Variants in XYLT1 observed in about 807,000 individuals in gnomAD.
XYLT1 encodes xylosyltransferase 1, also known as beta-D-xylosyltransferase 1.
Under a neutral mutation model 91.3 loss-of-function variants are expected in XYLT1, and 36 were observed. The observed-to-expected ratio is 0.39, with a 90% CI of 0.30 to 0.52. The LOEUF is 0.52. Among genes scored for constraint, XYLT1 ranks in the 20% least tolerant of loss-of-function variants. XYLT1 has a pLI of 0.68. For synonymous variants in XYLT1, 588 were observed against 532.0 expected (o/e 1.11, Z -1.45); for missense variants, 1,242 against 1,284.5 (o/e 0.97, Z 0.51).
At chr16:17,184,985 A>C (rs2032152767) in intron 5 of XYLT1, among the ~76,000 whole-genome samples, 1 of 152,224 alleles carries the variant, frequency 6.6e-6, no homozygotes, top group Non-Finnish European at 1.5e-5. Context: ...CTTGTCTTCC[A>C]CCACATCCTT....
At chr16:17,261,693 G>T (rs2033724778) in intron 2 of XYLT1, among the ~76,000 whole-genome samples, 1 of 152,164 alleles carries the variant, frequency 6.6e-6, no homozygotes, top group Non-Finnish European at 1.5e-5. Flanking sequence ...CTATTGTGTT[G>T]CAGGAAGTCA....
At chr16:17,292,604 C>T (rs142612413) in intron 2 of XYLT1, among the ~76,000 whole-genome samples, 197 of 152,294 alleles carry the variant, frequency 1.3e-3, no homozygotes, top group African/African-American at 4.6e-3. Context: ...TGAGCGTCAC[C>T]TGAACAGACT....
intron 5 of XYLT1, among the ~76,000 whole-genome samples, chr16:17,183,478 G>A (rs1322807773): frequency 1.3e-5 from 2 of 152,122 alleles, no homozygotes; most frequent in African/African-American, 2.4e-5. Flanking sequence ...CCTACTCCCC[G>A]TGATGAAAGA....
chr16:17,129,307 G>T (rs2030383505), intron 9 of XYLT1, among the ~76,000 whole-genome samples: 1 of 152,108 alleles, frequency 6.6e-6, no homozygotes, highest in Non-Finnish European at 1.5e-5. Flanking sequence ...TGTTGCCCAG[G>T]CTGGAGTGCA....
intron 11 of XYLT1, 55 bp from the exon 12 acceptor site, chr16:17,109,072 A>G (rs1966818668): frequency 1.4e-6 from 2 of 1,469,790 alleles, no homozygotes; most frequent in Non-Finnish European, 9.0e-7. Context: ...TAGGATGCCT[A>G]TTCATACTTA....
At chr16:17,373,620 A>G (rs142151757) in intron 1 of XYLT1, among the ~76,000 whole-genome samples, 16 of 152,354 alleles carry the variant, frequency 1.1e-4, no homozygotes, top group Middle Eastern at 3.4e-3. Context: ...ACCAACATAC[A>G]GCATGTGCCA....
chr16:17,302,618 C>G (rs2034413006), intron 2 of XYLT1, among the ~76,000 whole-genome samples: 1 of 152,220 alleles, frequency 6.6e-6, no homozygotes, highest in Non-Finnish European at 1.5e-5. Flanking sequence ...GTGTTAATAC[C>G]TATTCCAGCT....
chr16:17,131,507 C>G (rs1221169442), intron 9 of XYLT1, among the ~76,000 whole-genome samples: 2 of 152,196 alleles, frequency 1.3e-5, no homozygotes, highest in Admixed American at 1.3e-4. Context: ...TTCCCATGGT[C>G]AGCCCACCCT....
intron 2 of XYLT1, among the ~76,000 whole-genome samples, chr16:17,337,951 A>C (rs2035010638): frequency 6.6e-6 from 1 of 151,540 alleles, no homozygotes; most frequent in Non-Finnish European, 1.5e-5. Flanking sequence ...TAATTTTTGT[A>C]TTTTTAGTAG....
chr16:17,259,341 C>G lies in XYLT1; in HGVS notation c.560G>C (p.Ser187Thr). The G allele has an allele frequency of 1.2e-6, 2 of 1,614,182 alleles. No homozygotes were observed. Among genetic ancestry groups the G allele is most frequent in the Non-Finnish European group, 1.7e-6 (2 of 1,180,044 alleles). The change falls in exon 3 of 12, where the codon AGT (serine) becomes ACT (threonine). Residue 187 changes from serine to threonine, a missense_variant. By Grantham distance (58) the Ser-to-Thr change is moderately conservative. Around this residue, in one of 3 missense-constraint regions of XYLT1, gnomAD observed 437 missense variants for 411.5 expected, o/e 1.06. Transcript: ENST00000261381. ...HQPELAKKPP[S>T]RQKELLKRKL... ...CCTTTTCAAAAGCTCCTTCTGTCTA[C>G]TCGGTGGCTTCTTCGCCAACTCAGG...
At chr16:17,111,146 T>G (rs1356676073) in intron 11 of XYLT1, among the ~76,000 whole-genome samples, 1 of 151,894 alleles carries the variant, frequency 6.6e-6, no homozygotes, top group Non-Finnish European at 1.5e-5. Context: ...GTCGATAGAG[T>G]GAGACTTCAT....
At chr16:17,256,005 C>CA (rs2033624604) in intron 3 of XYLT1, among the ~76,000 whole-genome samples, 1 of 151,946 alleles carries the variant, frequency 6.6e-6, no homozygotes, top group Non-Finnish European at 1.5e-5. Flanking sequence ...GAGACTGTCT[C>CA]AAAAAAACAA....
intron 1 of XYLT1, among the ~76,000 whole-genome samples, chr16:17,398,098 C>T (rs1473668986): frequency 6.6e-6 from 1 of 152,076 alleles, no homozygotes; most frequent in Non-Finnish European, 1.5e-5. Flanking sequence ...TTGGAAAATG[C>T]AGACCTTGGA....
intron 4 of XYLT1, among the ~76,000 whole-genome samples, chr16:17,198,690 G>A (rs2032478932): frequency 6.6e-6 from 1 of 152,138 alleles, no homozygotes; most frequent in South Asian, 2.1e-4. Flanking sequence ...GGTGGTGCCT[G>A]GGACTTCACA....
intron 2 of XYLT1, among the ~76,000 whole-genome samples, chr16:17,334,946 A>G (rs2034956414): frequency 6.6e-6 from 1 of 152,114 alleles, no homozygotes; most frequent in African/African-American, 2.4e-5. Flanking sequence ...CTACTGGGCC[A>G]GGCGTGGTGG....
At chr16:17,407,531 C>A (rs952379257) in intron 1 of XYLT1, among the ~76,000 whole-genome samples, 1 of 152,298 alleles carries the variant, frequency 6.6e-6, no homozygotes, top group East Asian at 1.9e-4. Flanking sequence ...CTGGGCTCAA[C>A]TGATCCTCCT....
At chr16:17,130,567 G>T (rs763186175) in intron 9 of XYLT1, among the ~76,000 whole-genome samples, 2 of 152,070 alleles carry the variant, frequency 1.3e-5, no homozygotes, top group African/African-American at 2.4e-5. Flanking sequence ...CTGCCTCCCG[G>T]GTTCAAGCAG....
At chr16:17,245,584 G>C (rs533695538) in intron 3 of XYLT1, among the ~76,000 whole-genome samples, 1 of 152,104 alleles carries the variant, frequency 6.6e-6, no homozygotes, top group East Asian at 1.9e-4. Context: ...TTACCAGAGG[G>C]TTCTATACAC....
At chr16:17,261,923 T>G (rs891641043) in intron 2 of XYLT1, among the ~76,000 whole-genome samples, 1 of 149,382 alleles carries the variant, frequency 6.7e-6, no homozygotes, top group African/African-American at 2.6e-5. Context: ...TCTCCACAGA[T>G]ACCTACAAAA....
Sources: gnomAD v4.1 joint callset for allele counts (sites outside exome capture counted in the v4.1 genomes callset) on GRCh38, gnomAD v4.1.1 for gene constraint, gnomAD v4.1.1 regional missense constraint, MANE v1.5 for transcripts, NCBI Gene and HGNC (gene_info 2026-07-23, HGNC 2026-07-21) for gene names.